NCOA1: variants seen among roughly 807,000 people sequenced by gnomAD.
The protein encoded by NCOA1 is nuclear receptor coactivator 1.
NCOA1 carries 35 observed loss-of-function variants against 150.9 expected under a neutral mutation model. That is an observed-to-expected ratio of 0.23 (90% CI 0.18 to 0.31). The LOEUF (loss-of-function observed/expected upper bound fraction) is 0.31, where lower values mean the gene tolerates loss of function less well. NCOA1 is among the 10% of genes least tolerant of loss of function. The pLI is 1.00. For synonymous variants in NCOA1, 590 were observed against 630.0 expected (o/e 0.94, Z 0.95); for missense variants, 1,491 against 1,749.3 (o/e 0.85, Z 2.63).
chr2:24,524,610 A>G (rs1664573093), intron 1 of NCOA1, among the ~76,000 whole-genome samples: 1 of 151,056 alleles, frequency 6.6e-6, no homozygotes, highest in Admixed American at 6.6e-5. Context: ...TCTTGTATGT[A>G]TATATATATT....
At chr2:24,496,085 T>TA (rs1663200470) in intron 1 of NCOA1, among the ~76,000 whole-genome samples, 1 of 152,220 alleles carries the variant, frequency 6.6e-6, no homozygotes, top group Admixed American at 6.5e-5. Context: ...TCTTTATCAT[T>TA]AAATGAGCAT....
In NCOA1 at chr2:24,592,253, A is replaced by G. The variant is rs138928132; in HGVS notation, c.-175+7693A>G. Reference sequence around the variant, plus strand: ...GCTCAGATTCATATACTTATTAAGCAACCTTGTGCTCTTAATTTTTTTCCA... The same window carrying G: ...GCTCAGATTCATATACTTATTAAGCGACCTTGTGCTCTTAATTTTTTTCCA... On this transcript the variant is annotated intron_variant, in intron 3 of 22. Coordinates refer to ENST00000348332, the MANE Select transcript of NCOA1 (RefSeq NM_003743.5). Among the ~76,000 whole-genome samples the G allele has an allele frequency of 1.7e-3, 256 of 152,326 alleles. 5 individuals carry two copies. The highest frequency in any genetic ancestry group is 5.8e-4 in the East Asian group (3 of 5,190).
intron 1 of NCOA1, among the ~76,000 whole-genome samples, chr2:24,512,385 A>G (rs1663971914): frequency 6.6e-6 from 1 of 152,262 alleles, no homozygotes; most frequent in Non-Finnish European, 1.5e-5. Flanking sequence ...TGATTGGATC[A>G]AAACCCACAG....
At chr2:24,766,067 A>T (rs1324415624) in intron 22 of NCOA1, among the ~76,000 whole-genome samples, 1 of 151,696 alleles carries the variant, frequency 6.6e-6, no homozygotes, top group South Asian at 2.1e-4. Context: ...CACCCAGCTA[A>T]TTTTTTTATT....
intron 1 of NCOA1, among the ~76,000 whole-genome samples, chr2:24,516,067 T>C (rs752587692): frequency 3.6e-4 from 54 of 152,084 alleles, no homozygotes; most frequent in Non-Finnish European, 3.7e-4. Context: ...TCCTGTATGC[T>C]AGCTGCTTGG....
intron 11 of NCOA1, among the ~76,000 whole-genome samples, 153 bp from the exon 12 acceptor site, chr2:24,704,933 G>C (rs1453381284): frequency 6.6e-6 from 1 of 152,134 alleles, no homozygotes; most frequent in African/African-American, 2.4e-5. Context: ...TCAGATATCT[G>C]CTTTGTCTGA....
At chr2:24,695,833 C>T (rs1672876479) in intron 10 of NCOA1, among the ~76,000 whole-genome samples, 1 of 152,212 alleles carries the variant, frequency 6.6e-6, no homozygotes, top group South Asian at 2.1e-4. Flanking sequence ...ATAACTTAAT[C>T]ACTTTCTCTC....
intron 3 of NCOA1, among the ~76,000 whole-genome samples, chr2:24,642,799 ACT>A (rs1352006677): frequency 5.9e-5 from 9 of 152,232 alleles, no homozygotes; most frequent in Admixed American, 5.2e-4. Context: ...AAAGGAATGA[ACT>A]ATTGATACGT....
rs138170672 is a variant in NCOA1, at chr2:24,715,378, A to G, written c.2599+4267A>G. 2.6e-5 allele frequency among the ~76,000 whole-genome samples: 4 copies of G among 152,320 alleles called. No homozygotes were observed. In the East Asian group the frequency reaches 5.8e-4, roughly 22 times the overall value. On this transcript the variant is annotated intron_variant, in intron 14 of 22. Coordinates refer to ENST00000348332, the MANE Select transcript of NCOA1 (RefSeq NM_003743.5). Reference sequence around the variant, plus strand: ...ACAGTAATAGTACCAAAAATGGGGTAGAATAAATGAGACAATACTCTTTTC... The same window carrying G: ...ACAGTAATAGTACCAAAAATGGGGTGGAATAAATGAGACAATACTCTTTTC...
Position 24,492,891 on chromosome 2 carries a change from T to A in NCOA1, c.-396+1289T>A, listed in dbSNP as rs1340443497. ...GTGAAGCGTAGATTATATGATACAG[T>A]TGAGGGATGGATCTCAAGGGTTAAA... On this transcript the variant is annotated intron_variant, in intron 1 of 22. Transcript: ENST00000348332. 2.6e-5 allele frequency among the ~76,000 whole-genome samples: 4 copies of A among 151,512 alleles called. No individual in the cohort carries two copies. The East Asian group carries it at 7.7e-4, about 29-fold the overall frequency.
At chr2:24,629,477 G>A (rs200097424) in intron 3 of NCOA1, among the ~76,000 whole-genome samples, 2 of 83,696 alleles carry the variant, frequency 2.4e-5, no homozygotes, top group Non-Finnish European at 5.1e-5. Flanking sequence ...TGTACTGTTT[G>A]GGTTTTTTTT....
intron 11 of NCOA1, among the ~76,000 whole-genome samples, chr2:24,704,434 A>AT (rs1673309997): frequency 6.6e-6 from 1 of 152,148 alleles, no homozygotes; most frequent in Admixed American, 6.5e-5. Context: ...ATTTCCTGGT[A>AT]TTTTTAATGG....
chr2:24,752,039 TG>T lies in NCOA1; in HGVS notation c.3766del (p.Val1256CysfsTer27). The T allele has an allele frequency of 6.2e-7, 1 of 1,614,160 alleles. No homozygotes were observed. The highest frequency in any genetic ancestry group is 8.5e-7 in the Non-Finnish European group (1 of 1,180,008). ...CCATCTCTAAGCCCTGGGAGCTCCATGGTGCCGATGCCAATCCCTCCTCCTC... is the reference window on the plus strand; with the variant it reads ...CCATCTCTAAGCCCTGGGAGCTCCATGTGCCGATGCCAATCCCTCCTCCTC... ...FAPSLSPGSS[M>X]VPMPIPPPQS... On this transcript the variant is annotated frameshift_variant, in exon 20 of 23. Transcript: ENST00000348332. LOFTEE classifies it high-confidence loss of function.
chr2:24,571,094 G>A (rs942919020), intron 2 of NCOA1, among the ~76,000 whole-genome samples: 1 of 152,036 alleles, frequency 6.6e-6, no homozygotes, highest in Admixed American at 6.6e-5. Context: ...TTGATGTAAC[G>A]AAAGATATGC....
chr2:24,722,186 G>C (rs930069200), intron 14 of NCOA1, among the ~76,000 whole-genome samples: 1 of 152,088 alleles, frequency 6.6e-6, no homozygotes, highest in Non-Finnish European at 1.5e-5. Flanking sequence ...CAATCCACCT[G>C]GTTTCAAAAC....
intron 20 of NCOA1, among the ~76,000 whole-genome samples, chr2:24,756,372 C>T (rs55922609): frequency 0.074 from 11,340 of 152,262 alleles, 519 homozygotes; most frequent in African/African-American, 0.12. Context: ...AGGTGTATTA[C>T]TGACTATTTC....
chr2:24,532,728 G>A (rs1383177852), intron 1 of NCOA1, among the ~76,000 whole-genome samples: 1 of 152,146 alleles, frequency 6.6e-6, no homozygotes, highest in African/African-American at 2.4e-5. Context: ...CCCATTGCTT[G>A]TTTTCATCAG....
chr2:24,526,903 AGT>A (rs1444572088), intron 1 of NCOA1, among the ~76,000 whole-genome samples: 1 of 152,208 alleles, frequency 6.6e-6, no homozygotes, highest in Non-Finnish European at 1.5e-5. Flanking sequence ...AAAAAAATAC[AGT>A]GTAACAACTA....
At chr2:24,584,146 C>T (rs577456309) in intron 2 of NCOA1, among the ~76,000 whole-genome samples, 128 of 151,914 alleles carry the variant, frequency 8.4e-4, no homozygotes, top group African/African-American at 2.8e-3. Flanking sequence ...GAAATATCAC[C>T]GTACCCCATA....
Sources: allele counts gnomAD v4.1 joint callset (sites outside exome capture counted in the v4.1 genomes callset), GRCh38; gene constraint gnomAD v4.1.1; transcripts MANE v1.5; gene names NCBI Gene and HGNC (gene_info 2026-07-23, HGNC 2026-07-21).